Variants in VPS39 observed in about 807,000 individuals in gnomAD.
The protein encoded by VPS39 is vam6/Vps39-like protein.
In VPS39, 70 loss-of-function variants were observed where a neutral mutation model predicts 121.0. That is an observed-to-expected ratio of 0.58 (90% CI 0.48 to 0.71). VPS39 has a LOEUF of 0.71. Ranked by LOEUF, VPS39 falls within the 30% of genes least tolerant of loss-of-function variation. The pLI is 0.00. For missense variants in VPS39, 818 were observed against 1,051.5 expected, an observed-to-expected ratio of 0.78 and a Z score of 3.07; for synonymous variants, 378 against 398.1, an observed-to-expected ratio of 0.95 and a Z score of 0.60.
Position 42,208,110 on chromosome 15 carries a change from G to C in VPS39, c.44C>G (p.Pro15Arg). The stretch of plus-strand genomic sequence containing the variant: ...GGCAGCCAGACAGTCGATTTGCAGA[G>C]GCAGCTTTTCTAGGATCGGCACTGG... ...FEPVPILEKL[P>R]LQIDCLAAWE... Residue 15 changes from proline (P) to arginine (R), a missense_variant, in exon 1 of 25, where the codon CCT becomes CGT. Transcript: ENST00000318006. The C allele has an allele frequency of 6.3e-7, 1 of 1,590,932 alleles. No individual in the cohort carries two copies. The highest frequency in any genetic ancestry group is 8.6e-7 in the Non-Finnish European group (1 of 1,168,154).
At chr15:42,188,323 T>TA (rs2140874232) in intron 5 of VPS39, among the ~76,000 whole-genome samples, 2 of 152,224 alleles carry the variant, frequency 1.3e-5, no homozygotes, top group East Asian at 3.9e-4. Flanking sequence ...ACATAAATGC[T>TA]AAAAAATGGT....
intron 8 of VPS39, among the ~76,000 whole-genome samples, chr15:42,179,845 G>A (rs1595661821): frequency 2.0e-5 from 3 of 152,136 alleles, no homozygotes; most frequent in African/African-American, 7.2e-5. Context: ...TTAATCCTCA[G>A]TGCAAAAGTG....
chr15:42,207,636 T>C (rs1398616045), intron 1 of VPS39, among the ~76,000 whole-genome samples: 1 of 152,306 alleles, frequency 6.6e-6, no homozygotes, highest in East Asian at 1.9e-4. Flanking sequence ...AAAAAGCATA[T>C]GGTGTTAACT....
chr15:42,168,764 G>A (rs548770367), intron 12 of VPS39, among the ~76,000 whole-genome samples: 19 of 152,122 alleles, frequency 1.2e-4, no homozygotes, highest in Middle Eastern at 3.4e-3. Context: ...GGCTGGTTTC[G>A]AACTCCTGAC....
intron 8 of VPS39, among the ~76,000 whole-genome samples, chr15:42,179,318 C>T (rs548795149): frequency 6.6e-6 from 1 of 152,072 alleles, no homozygotes; most frequent in East Asian, 1.9e-4. Flanking sequence ...GCCTGTAATC[C>T]TAGCACTTTG....
chr15:42,173,962 A>G (rs2049396355), intron 10 of VPS39, 110 bp from the exon 11 acceptor site: 1 of 1,363,774 alleles, frequency 7.3e-7, no homozygotes, highest in Non-Finnish European at 1.0e-6. Context: ...AGTGTACAAG[A>G]CAAGGCCGGG....
chr15:42,208,060 C>T, intron 1 of VPS39, 21 bp downstream of exon 1: 1 of 1,566,614 alleles, frequency 6.4e-7, no homozygotes, highest in South Asian at 1.2e-5. Context: ...TCCGCCTCGG[C>T]CCCGCGGCCC....
At chr15:42,206,798 T>C (rs1276021046) in intron 1 of VPS39, among the ~76,000 whole-genome samples, 1 of 152,204 alleles carries the variant, frequency 6.6e-6, no homozygotes, top group Non-Finnish European at 1.5e-5. Flanking sequence ...GCAAAGAGAA[T>C]GGCCCGTGTA....
chr15:42,173,784 G>A lies in VPS39; in HGVS notation c.1029C>T (p.Phe343=). 1 of 1,614,212 alleles carries A rather than the reference G, an allele frequency of 6.2e-7. No homozygotes were observed. The highest frequency in any genetic ancestry group is 2.2e-5 in the East Asian group (1 of 44,894). The change falls in exon 11 of 25, where the codon TTC becomes TTT. Residue 343 remains phenylalanine, a synonymous_variant. Transcript: ENST00000318006. ...QIHHIKNLYA[F]NLFCQKRFDE... ...CAAAACGCTTCTGGCAGAAGAGGTT[G>A]AAGGCATACAAGTTCTTGATGTGAT...
At chr15:42,184,405 T>A in intron 8 of VPS39, 112 bp downstream of exon 8, 2 of 1,127,814 alleles carry the variant, frequency 1.8e-6, no homozygotes, top group Non-Finnish European at 2.4e-6. Flanking sequence ...GAACTGAAAG[T>A]GAATGACACA....
At chr15:42,176,434 T>C (rs1203320614) in intron 10 of VPS39, among the ~76,000 whole-genome samples, 1 of 151,976 alleles carries the variant, frequency 6.6e-6, no homozygotes, top group Non-Finnish European at 1.5e-5. Context: ...AAATACAAAA[T>C]TTAGGATAAT....
At position 42,161,769 on chromosome 15, in the gene VPS39, T is replaced by C. The variant is rs748186599; in HGVS notation, c.2465A>G (p.Gln822Arg). The change falls in exon 24 of 25, where the codon CAG becomes CGG. Residue 822 changes from glutamine to arginine, a missense_variant. Coordinates refer to ENST00000318006, the MANE Select transcript of VPS39 (RefSeq NM_015289.5). ...CTGCTGGTGTAAAATCCGCTCTTCCTGGACCTGGAAGAACAGGGGGATTGA... is the reference window on the plus strand; with the variant it reads ...CTGCTGGTGTAAAATCCGCTCTTCCCGGACCTGGAAGAACAGGGGGATTGA... The part of the protein sequence containing the change: ...NLLHAEFLRV[Q>R]EERILHQQVK... 5.0e-6 allele frequency: 8 copies of C among 1,613,868 alleles called. No homozygotes were observed. The highest frequency in any genetic ancestry group is 4.5e-5 in the East Asian group (2 of 44,896).
rs2049735199 is a variant in VPS39 at position 42,187,797 on chromosome 15, C to T, written c.402G>A (p.Gln134=). 1 of 1,614,162 alleles carries T rather than the reference C, an allele frequency of 6.2e-7. No individual in the cohort carries two copies. Among genetic ancestry groups the T allele is most frequent in the South Asian group, 1.1e-5 (1 of 91,086 alleles). ...ATTCCCTGTCCTTCCAGAAATAGAGCTGCAGCTTCTTTTTTACTGCCACAC... is the reference window on the plus strand; with the variant it reads ...ATTCCCTGTCCTTCCAGAAATAGAGTTGCAGCTTCTTTTTTACTGCCACAC... ...RMCVAVKKKL[Q]LYFWKDREFH... The change falls in exon 6 of 25, where the codon CAG becomes CAA. Residue 134 remains glutamine (Q), a synonymous_variant. Coordinates refer to ENST00000318006, the MANE Select transcript of VPS39 (RefSeq NM_015289.5).
At chr15:42,174,711 T>A (rs911174920) in intron 10 of VPS39, among the ~76,000 whole-genome samples, 5 of 152,110 alleles carry the variant, frequency 3.3e-5, no homozygotes, top group Non-Finnish European at 7.4e-5. Context: ...CGGTGGCTCA[T>A]GCCTGTAATC....
chr15:42,160,860 GACTGCTTCTAAGTGACC>G (rs1172863938), intron 24 of VPS39, 31 bp from the exon 25 acceptor site: 8 of 1,610,592 alleles, frequency 5.0e-6, no homozygotes, highest in Non-Finnish European at 5.9e-6. Flanking sequence ...TGGGAGTGAG[GACTGCTTCTAAGTGACC>G]ACTTCTCTGG....
chr15:42,162,482 C>G lies in VPS39; in HGVS notation c.2176-1G>C. The stretch of plus-strand genomic sequence containing the variant: ...ACATCCGAAGCAGGGACAGATACAC[C>G]TGTCTCAGAGAGACATGAGCTACGT... On this transcript the variant is annotated splice_acceptor_variant, in intron 21 of 24. Transcript: ENST00000318006. LOFTEE classifies it high-confidence loss of function. 6.3e-7 allele frequency: 1 copy of G among 1,596,648 alleles called. No homozygotes were observed. The highest frequency in any genetic ancestry group is 1.1e-5 in the South Asian group (1 of 88,916).
chr15:42,164,804 C>T, intron 18 of VPS39, 192 bp downstream of exon 18: 1 of 1,435,092 alleles, frequency 7.0e-7, no homozygotes, highest in East Asian at 2.5e-5. Flanking sequence ...TCAGAGATGC[C>T]AGGACCTAGA....
chr15:42,194,246 T>G (rs1020475201), intron 2 of VPS39, among the ~76,000 whole-genome samples: 1 of 151,062 alleles, frequency 6.6e-6, no homozygotes, highest in African/African-American at 2.4e-5. Context: ...ACCTCCCAGG[T>G]GTAGATCACC....
At chr15:42,191,695 C>T (rs966541133) in intron 2 of VPS39, 135 bp from the exon 3 acceptor site, 1 of 753,258 alleles carries the variant, frequency 1.3e-6, no homozygotes, top group Non-Finnish European at 2.1e-6. Context: ...AATCAGAGAT[C>T]TAAATAGCCA....
Sources: gnomAD v4.1 joint callset for allele counts (sites outside exome capture counted in the v4.1 genomes callset) on GRCh38, gnomAD v4.1.1 for gene constraint, MANE v1.5 for transcripts, NCBI Gene and HGNC (gene_info 2026-07-23, HGNC 2026-07-21) for gene names.